Variants in PDZRN4 observed in about 807,000 individuals in gnomAD.
PDZRN4 encodes PDZ domain-containing RING finger protein 4.
In PDZRN4, 70 loss-of-function variants were observed where a neutral mutation model predicts 99.0. That is an observed-to-expected ratio of 0.71 (90% confidence interval 0.58 to 0.86). The LOEUF (loss-of-function observed/expected upper bound fraction) is 0.86. Ranked by LOEUF, PDZRN4 falls within the 40% of genes least tolerant of loss-of-function variation. The probability of loss-of-function intolerance (pLI) is 0.00; values close to 1 mark genes in which losing one functional copy is unlikely to be tolerated. For synonymous variants in PDZRN4, 551 were observed against 501.6 expected (o/e 1.10, Z -1.32); for missense variants, 1,474 against 1,331.2 (o/e 1.11, Z -1.67).
chr12:41,232,539 TA>T (rs1951035196), intron 3 of PDZRN4, among the ~76,000 whole-genome samples: 1 of 152,132 alleles, frequency 6.6e-6, no homozygotes, highest in African/African-American at 2.4e-5. Context: ...AGGAGAGGGA[TA>T]ACAAAGAAAT....
At chr12:41,329,199 G>A (rs1951728220) in intron 3 of PDZRN4, among the ~76,000 whole-genome samples, 1 of 152,072 alleles carries the variant, frequency 6.6e-6, no homozygotes, top group South Asian at 2.1e-4. Context: ...GGAAGCCTCA[G>A]AGATGAAAAC....
chr12:41,229,258 T>C (rs545786528), intron 3 of PDZRN4, among the ~76,000 whole-genome samples: 14 of 151,954 alleles, frequency 9.2e-5, no homozygotes, highest in Non-Finnish European at 1.5e-4. Context: ...AACCTGAAGA[T>C]GCTCACTATG....
chr12:41,523,317 G>A (rs1269089102), intron 5 of PDZRN4, among the ~76,000 whole-genome samples: 1 of 152,042 alleles, frequency 6.6e-6, no homozygotes, highest in East Asian at 1.9e-4. Flanking sequence ...AGATGCTGTT[G>A]ACTGAGGAAG....
At chr12:41,413,651 TAC>T (rs961768074) in intron 3 of PDZRN4, among the ~76,000 whole-genome samples, 4 of 152,196 alleles carry the variant, frequency 2.6e-5, no homozygotes, top group Admixed American at 2.6e-4. Flanking sequence ...AATAAATATG[TAC>T]AATTATTATT....
At chr12:41,392,823 C>T (rs1048181970) in intron 3 of PDZRN4, among the ~76,000 whole-genome samples, 6 of 152,160 alleles carry the variant, frequency 3.9e-5, no homozygotes, top group African/African-American at 1.4e-4. Flanking sequence ...CTTTTGAACA[C>T]CAAACCACAA....
chr12:41,514,216 C>G (rs1038461405), intron 5 of PDZRN4, among the ~76,000 whole-genome samples: 1 of 152,006 alleles, frequency 6.6e-6, no homozygotes, highest in African/African-American at 2.4e-5. Flanking sequence ...TAGGAGTGAG[C>G]ACTTAGCATA....
intron 3 of PDZRN4, among the ~76,000 whole-genome samples, chr12:41,362,301 T>C (rs1203211399): frequency 2.0e-5 from 3 of 152,026 alleles, no homozygotes; most frequent in Admixed American, 1.3e-4. Flanking sequence ...ATTTTTTTTA[T>C]ACTTCTCAAT....
intron 5 of PDZRN4, among the ~76,000 whole-genome samples, chr12:41,530,708 T>A (rs1449881259): frequency 1.3e-5 from 2 of 152,348 alleles, no homozygotes; most frequent in South Asian, 2.1e-4. Context: ...ATACTAATTA[T>A]GTGGAGGTGC....
intron 3 of PDZRN4, among the ~76,000 whole-genome samples, chr12:41,485,517 C>T (rs977763125): frequency 1.3e-5 from 2 of 152,146 alleles, no homozygotes. Flanking sequence ...TAATCTTTCT[C>T]TCTTTCTCTC....
Position 41,522,906 on chromosome 12 carries a change from C to T in PDZRN4, c.1203+12993C>T, listed in dbSNP as rs144839462. ...TGAAATAAATTCCCCTCATTAAGTC[C>T]TCATTCACTCTTCCCTATAAATAAC... On this transcript the variant is annotated intron_variant, in intron 5 of 9. Coordinates refer to ENST00000402685, the MANE Select transcript of PDZRN4 (RefSeq NM_001164595.2). Among the ~76,000 whole-genome samples, 277 of 152,164 alleles carry T rather than the reference C, an allele frequency of 1.8e-3. 1 individual carries two copies. The highest frequency in any genetic ancestry group is 2.1e-3 in the Non-Finnish European group (144 of 67,990).
In PDZRN4 at chr12:41,485,098, A is replaced by G. The variant is rs77745274; in HGVS notation, c.844-21358A>G. 5.7e-4 allele frequency among the ~76,000 whole-genome samples: 87 copies of G among 152,218 alleles called. No individual in the cohort carries two copies. In the East Asian group the frequency reaches 0.015, roughly 27 times the overall value. On this transcript the variant is annotated intron_variant, in intron 3 of 9. Coordinates refer to ENST00000402685, the MANE Select transcript of PDZRN4 (RefSeq NM_001164595.2). ...AGTACCAGAGTTCTGATATTAGTTG[A>G]TCTGACAAACACATCTACAGTAAGT...
chr12:41,552,526 G>T, intron 5 of PDZRN4, 130 bp from the exon 6 acceptor site: 2 of 519,802 alleles, frequency 3.8e-6, no homozygotes, highest in Non-Finnish European at 6.6e-6. Flanking sequence ...AAAAAAAAAA[G>T]TTAATTTCCA....
intron 5 of PDZRN4, among the ~76,000 whole-genome samples, chr12:41,548,806 T>A (rs1346401825): frequency 6.6e-6 from 1 of 152,084 alleles, no homozygotes; most frequent in Non-Finnish European, 1.5e-5. Context: ...AATATAAAAA[T>A]TTCACACCGC....
At chr12:41,234,065 T>A (rs1400753688) in intron 3 of PDZRN4, among the ~76,000 whole-genome samples, 1 of 152,090 alleles carries the variant, frequency 6.6e-6, no homozygotes, top group Non-Finnish European at 1.5e-5. Context: ...GTGAATTTAT[T>A]GCTCCTTGAT....
chr12:41,329,232 G>A (rs1288790938), intron 3 of PDZRN4, among the ~76,000 whole-genome samples: 1 of 152,080 alleles, frequency 6.6e-6, no homozygotes, highest in Non-Finnish European at 1.5e-5. Flanking sequence ...ATTCCCAGTT[G>A]CTTGTATTGC....
chr12:41,537,183 T>C (rs180801421), intron 5 of PDZRN4, among the ~76,000 whole-genome samples: 201 of 152,280 alleles, frequency 1.3e-3, no homozygotes, highest in African/African-American at 4.4e-3. Flanking sequence ...ATGATATGTG[T>C]TGAGATAGAG....
At chr12:41,549,770 T>C (rs1410280018) in intron 5 of PDZRN4, among the ~76,000 whole-genome samples, 2 of 152,218 alleles carry the variant, frequency 1.3e-5, no homozygotes, top group African/African-American at 4.8e-5. Context: ...TCAAGAGTTA[T>C]CTGTGAGAGA....
In PDZRN4 at chr12:41,330,927, G is replaced by A. The variant is rs10880037; in HGVS notation, c.843+136739G>A. Among the ~76,000 whole-genome samples the A allele has an allele frequency of 3.9e-3, 591 of 152,152 alleles. 19 individuals are homozygous for A. The East Asian group carries it at 0.091, about 23-fold the overall frequency. On this transcript the variant is annotated intron_variant, in intron 3 of 9. Transcript: ENST00000402685. Reference sequence around the variant, plus strand: ...AGCTCATATCATTAAAAGGTTTTCAGTATCCAGCTTTAAATTATAACATTG... The same window carrying A: ...AGCTCATATCATTAAAAGGTTTTCAATATCCAGCTTTAAATTATAACATTG...
chr12:41,487,639 A>G (rs1024449760), intron 3 of PDZRN4, among the ~76,000 whole-genome samples: 1 of 152,238 alleles, frequency 6.6e-6, no homozygotes, highest in African/African-American at 2.4e-5. Context: ...ATATACCAAC[A>G]ATATTCTTTA....
Sources: allele counts gnomAD v4.1 joint callset (sites outside exome capture counted in the v4.1 genomes callset), GRCh38; gene constraint gnomAD v4.1.1; transcripts MANE v1.5; gene names NCBI Gene and HGNC (gene_info 2026-07-23, HGNC 2026-07-21).